The following RORA variants were observed in gnomAD, a reference collection of about 807,000 sequenced individuals.
RORA encodes nuclear receptor ROR-alpha.
A neutral mutation model predicts 69.5 loss-of-function variants in RORA; 7 were observed. The ratio of observed to expected loss-of-function variants is 0.10; its 90% CI spans 0.06 to 0.19. The LOEUF (loss-of-function observed/expected upper bound fraction) is 0.19, where lower values mean the gene tolerates loss of function less well. Ranked by LOEUF, RORA falls within the 10% of genes least tolerant of loss-of-function variation. The pLI, the probability that RORA is intolerant of heterozygous loss-of-function variation, is 1.00. For synonymous variants in RORA, 261 were observed against 240.8 expected, an observed-to-expected ratio of 1.08 and a Z score of -0.78; for missense variants, 457 against 663.0, an observed-to-expected ratio of 0.69 and a Z score of 3.41.
chr15:60,889,166 G>T (rs994322076), intron 1 of RORA, among the ~76,000 whole-genome samples: 2 of 152,202 alleles, frequency 1.3e-5, no homozygotes, highest in Non-Finnish European at 2.9e-5. Context: ...GGCTGCAGCT[G>T]ACTACTTCCC....
intron 1 of RORA, among the ~76,000 whole-genome samples, chr15:60,933,574 A>T (rs1256764027): frequency 6.6e-6 from 1 of 152,056 alleles, no homozygotes; most frequent in Non-Finnish European, 1.5e-5. Context: ...AATCGCAGGC[A>T]TTTGTGTGGA....
chr15:61,096,924 C>T (rs964098056), intron 1 of RORA, among the ~76,000 whole-genome samples: 1 of 152,106 alleles, frequency 6.6e-6, no homozygotes, highest in Non-Finnish European at 1.5e-5. Context: ...TATTTCAAAT[C>T]GATAAATATT....
intron 1 of RORA, among the ~76,000 whole-genome samples, chr15:60,894,901 G>A (rs376420368): frequency 2.0e-5 from 3 of 152,104 alleles, no homozygotes; most frequent in African/African-American, 4.8e-5. Context: ...AAATGAAATC[G>A]CACAGACACC....
chr15:60,921,649 C>T (rs773660652), intron 1 of RORA, among the ~76,000 whole-genome samples: 2 of 152,160 alleles, frequency 1.3e-5, no homozygotes, highest in Non-Finnish European at 2.9e-5. Context: ...GATCTGTGCA[C>T]ATTTCTTTGT....
intron 1 of RORA, among the ~76,000 whole-genome samples, chr15:60,792,789 T>G (rs763024088): frequency 6.6e-6 from 1 of 152,154 alleles, no homozygotes; most frequent in South Asian, 2.1e-4. Context: ...TCTGCAGTCT[T>G]AAGGGAAATG....
At chr15:60,829,403 C>T (rs1382643423) in intron 1 of RORA, among the ~76,000 whole-genome samples, 4 of 152,116 alleles carry the variant, frequency 2.6e-5, no homozygotes, top group Non-Finnish European at 5.9e-5. Context: ...CCTTTGAGGT[C>T]ACGTCTTAGA....
At chr15:61,119,596 AC>A in intron 1 of RORA, among the ~76,000 whole-genome samples, 1 of 151,940 alleles carries the variant, frequency 6.6e-6, no homozygotes, top group South Asian at 2.1e-4. Flanking sequence ...GGCCACCATA[AC>A]CGGTCATCGG....
rs2065095216 is a variant in RORA, at chr15:60,493,740, C to A, written c.*3715G>T. 6.6e-6 allele frequency: 1 copy of A among 151,282 alleles called. No homozygotes were observed. Among genetic ancestry groups the A allele is most frequent in the Admixed American group, 6.6e-5 (1 of 15,188 alleles). 9.4% of individuals were successfully genotyped at this position (151,282 alleles called of 1,614,324 possible). On this transcript the variant is annotated 3_prime_UTR_variant, in exon 11 of 11. Transcript: ENST00000335670. Reference sequence around the variant, plus strand: ...TCTTTACACAAATCACATTTTATTGCAGGAATATTTCAAGTGCCATCAAAT... The same window carrying A: ...TCTTTACACAAATCACATTTTATTGAAGGAATATTTCAAGTGCCATCAAAT...
At chr15:61,007,270 G>T (rs765556799) in intron 1 of RORA, among the ~76,000 whole-genome samples, 7 of 152,114 alleles carry the variant, frequency 4.6e-5, no homozygotes, top group Non-Finnish European at 7.4e-5. Context: ...AAATGGAAAT[G>T]ACCTTGCTCT....
chr15:61,066,722 C>T (rs1480850523), intron 1 of RORA, among the ~76,000 whole-genome samples: 1 of 151,704 alleles, frequency 6.6e-6, no homozygotes, highest in Non-Finnish European at 1.5e-5. Context: ...GCCACTATGC[C>T]CCGCTGGCAT....
chr15:60,875,959 C>G (rs953526196), intron 1 of RORA, among the ~76,000 whole-genome samples: 6 of 152,138 alleles, frequency 3.9e-5, no homozygotes, highest in Admixed American at 1.3e-4. Context: ...TAGTTTCAAA[C>G]TTTTGCTTGT....
chr15:60,678,044 A>G (rs1224420579), intron 2 of RORA, among the ~76,000 whole-genome samples: 2 of 152,250 alleles, frequency 1.3e-5, no homozygotes, highest in African/African-American at 4.8e-5. Flanking sequence ...GTGAGTTTGT[A>G]ACTTATGGTG....
intron 2 of RORA, among the ~76,000 whole-genome samples, chr15:60,590,170 C>CCTCTCTCT (rs1426237027): frequency 4.8e-4 from 49 of 101,564 alleles, no homozygotes; most frequent in Non-Finnish European, 7.4e-4. Flanking sequence ...TCTCCCTCTT[C>CCTCTCTCT]CTCTATCTCT....
chr15:60,969,802 T>C (rs1379898372), intron 1 of RORA, among the ~76,000 whole-genome samples: 1 of 152,216 alleles, frequency 6.6e-6, no homozygotes, highest in Non-Finnish European at 1.5e-5. Context: ...AACCTTGCAC[T>C]AGTTTCCTGT....
chr15:61,086,081 G>C (rs1187542995), intron 1 of RORA, among the ~76,000 whole-genome samples: 2 of 152,220 alleles, frequency 1.3e-5, no homozygotes, highest in African/African-American at 2.4e-5. Context: ...CAAAGCAATA[G>C]GAAAAGAAGT....
intron 2 of RORA, among the ~76,000 whole-genome samples, chr15:60,645,473 C>G (rs2140683842): frequency 6.7e-6 from 1 of 148,204 alleles, no homozygotes; most frequent in South Asian, 2.1e-4. Flanking sequence ...CTCACTGCAA[C>G]CTCTGCCTCC....
At chr15:61,009,837 GGCTTCGACATGT>G (rs1326391107) in intron 1 of RORA, among the ~76,000 whole-genome samples, 1 of 152,118 alleles carries the variant, frequency 6.6e-6, no homozygotes, top group Non-Finnish European at 1.5e-5. Context: ...TTTGGACATG[GGCTTCGACATGT>G]CAGCCTAGTG....
intron 2 of RORA, among the ~76,000 whole-genome samples, chr15:60,541,676 T>C (rs1251558142): frequency 6.6e-6 from 1 of 152,206 alleles, no homozygotes; most frequent in Non-Finnish European, 1.5e-5. Context: ...TGGACTAAGC[T>C]AAGAGATTGT....
intron 2 of RORA, among the ~76,000 whole-genome samples, chr15:60,646,702 A>AC (rs2070052293): frequency 6.6e-6 from 1 of 152,176 alleles, no homozygotes. Context: ...AAGCAATGTG[A>AC]CCATTTGTTT....
Sources: gnomAD v4.1 joint callset for allele counts (sites outside exome capture counted in the v4.1 genomes callset) on GRCh38, gnomAD v4.1.1 for gene constraint, MANE v1.5 for transcripts, NCBI Gene and HGNC (gene_info 2026-07-23, HGNC 2026-07-21) for gene names.